Variants in NTMT1 observed in about 807,000 individuals in gnomAD.
The protein encoded by NTMT1 is N-terminal RCC1 methyltransferase.
In NTMT1, 8 loss-of-function variants were observed where a neutral mutation model predicts 17.5. The ratio of observed to expected loss-of-function variants is 0.46; its 90% CI spans 0.27 to 0.82. The LOEUF is 0.82. Among genes scored for constraint, NTMT1 ranks in the 40% least tolerant of loss-of-function variants. The pLI, the probability that NTMT1 is intolerant of heterozygous loss-of-function variation, is 0.15. For missense variants in NTMT1, 221 were observed against 303.5 expected (o/e 0.73, Z 2.02); for synonymous variants, 128 against 126.8 (o/e 1.01, Z -0.06).
At position 129,615,576 on chromosome 9, in the gene NTMT1, C is replaced by T. The variant is rs201925585; in HGVS notation, c.-55+6398C>T. The T allele has an allele frequency of 4.4e-5, 71 of 1,608,428 alleles. No homozygotes were observed. In the South Asian group the frequency reaches 6.9e-4, roughly 16 times the overall value. ...GAAAGGGCAACGCTGCCTGCAGGGC[C>T]TAGAGCCTTCCCCCGAGGGGTTGTG... On this transcript the variant is annotated intron_variant, in intron 1 of 3. Transcript: ENST00000372486.
At position 129,634,089 on chromosome 9, in the gene NTMT1, G is replaced by C. The variant is rs1297033975; in HGVS notation, c.198G>C (p.Leu66=). 17 of 1,614,040 alleles carry C rather than the reference G, an allele frequency of 1.1e-5. No homozygotes were observed. Among genetic ancestry groups the C allele is most frequent in the Non-Finnish European group, 1.4e-5 (17 of 1,180,042 alleles). The change falls in exon 3 of 4, where the codon CTG becomes CTC. Residue 66 remains leucine (L), a synonymous_variant. Transcript: ENST00000372483. ...GPNKTGTSCA[L]DCGAGIGRIT... ...ACAAGACAGGAACGTCCTGTGCCCT[G>C]GACTGTGGAGCTGGCATTGGGAGGA...
At chr9:129,612,227 G>C in intron 1 of NTMT1, 1 of 766,760 alleles carries the variant, frequency 1.3e-6, no homozygotes, top group Non-Finnish European at 2.2e-6. Flanking sequence ...AGAAAGGCTT[G>C]TGGTGTGACA....
chr9:129,615,112 A>G lies in NTMT1; in HGVS notation c.-55+5934A>G, dbSNP rs370167380. On this transcript the variant is annotated intron_variant, in intron 1 of 3. Transcript: ENST00000372486. Reference sequence around the variant, plus strand: ...TGGATGTCAAAGGAAGATGCTTCCAATGGCATCTGGACCTCCTCCAGCCCC... The same window carrying G: ...TGGATGTCAAAGGAAGATGCTTCCAGTGGCATCTGGACCTCCTCCAGCCCC... Among the ~76,000 whole-genome samples, 9 of 152,322 alleles carry G rather than the reference A, an allele frequency of 5.9e-5. No individual in the cohort carries two copies. The East Asian group carries it at 1.4e-3, about 23-fold the overall frequency.
At chr9:129,631,617 T>C (rs1831169389) in intron 1 of NTMT1, among the ~76,000 whole-genome samples, 1 of 152,200 alleles carries the variant, frequency 6.6e-6, no homozygotes, top group Non-Finnish European at 1.5e-5. Flanking sequence ...CTCAGGGTGG[T>C]TGACTCATTG....
intron 1 of NTMT1, among the ~76,000 whole-genome samples, chr9:129,616,383 T>C (rs1383494922): frequency 6.6e-6 from 1 of 152,024 alleles, no homozygotes; most frequent in East Asian, 1.9e-4. Flanking sequence ...GCCCGGCTAA[T>C]TTTTGTATTT....
rs12336178 is a variant in NTMT1, at chr9:129,633,941, C to T, written c.163-113C>T. On this transcript the variant is annotated intron_variant, in intron 2 of 3. Coordinates refer to ENST00000372483, the MANE Select transcript of NTMT1 (RefSeq NM_014064.4). Reference sequence around the variant, plus strand: ...CACAGACCTCCCCACCAGTGCTCAGCTTGTGCGGAGTCCTGGAATCCTGAC... The same window carrying T: ...CACAGACCTCCCCACCAGTGCTCAGTTTGTGCGGAGTCCTGGAATCCTGAC... The T allele has an allele frequency of 2.9e-3, 3,707 of 1,269,392 alleles. 91 individuals are homozygous for T. In the African/African-American group the frequency reaches 0.048, roughly 16 times the overall value. 78.6% of individuals were successfully genotyped at this position (1,269,392 alleles called of 1,614,324 possible). A position where few individuals can be genotyped will look rare whatever the true frequency, so the allele number is the denominator to read the frequency against.
intron 1 of NTMT1, among the ~76,000 whole-genome samples, chr9:129,609,858 G>A (rs1387290715): frequency 6.6e-6 from 1 of 152,010 alleles, no homozygotes; most frequent in Non-Finnish European, 1.5e-5. Context: ...CTGCGGCCCT[G>A]GGAGACCCCG....
chr9:129,624,734 A>G (rs774842531), upstream of NTMT1, among the ~76,000 whole-genome samples: 1 of 152,176 alleles, frequency 6.6e-6, no homozygotes, highest in Non-Finnish European at 1.5e-5. Flanking sequence ...GGTTCAGGCT[A>G]TTCTCCTGCC....
rs753987922 is a variant in NTMT1, at chr9:129,613,253, T to A, written c.-55+4075T>A. On this transcript the variant is annotated intron_variant, in intron 1 of 3. Coordinates refer to the NTMT1 transcript ENST00000372486. This position sits in a 1 kb window ranked among gnomAD's most constrained non-coding sequence, Gnocchi z 6.2. The stretch of plus-strand genomic sequence containing the variant: ...TAGCCCTGTGTCTTCTGGGTGGACC[T>A]GGGGGAGACAGGACCCCATGAGCTT... 1 of 1,601,174 alleles carries A rather than the reference T, an allele frequency of 6.2e-7. No homozygotes were observed. Among genetic ancestry groups the A allele is most frequent in the Non-Finnish European group, 8.5e-7 (1 of 1,172,214 alleles).
At chr9:129,618,121 T>A (rs1830483898) in intron 1 of NTMT1, among the ~76,000 whole-genome samples, 3 of 152,130 alleles carry the variant, frequency 2.0e-5, no homozygotes, top group African/African-American at 7.2e-5. Flanking sequence ...TGAGGAAGAA[T>A]GATATGTTTG....
chr9:129,610,344 T>C (rs1588105332), intron 1 of NTMT1, among the ~76,000 whole-genome samples: 1 of 144,354 alleles, frequency 6.9e-6, no homozygotes, highest in African/African-American at 2.6e-5. Flanking sequence ...AGCAAGGGCG[T>C]GGAGTCCGGG....
chr9:129,610,300 G>C (rs1407131746), intron 1 of NTMT1, among the ~76,000 whole-genome samples: 16 of 120,636 alleles, frequency 1.3e-4, no homozygotes, highest in African/African-American at 1.9e-4. Context: ...TGCAGGCCCC[G>C]CCCCCCCCCC....
chr9:129,631,274 C>G (rs377756878), intron 1 of NTMT1, among the ~76,000 whole-genome samples: 6 of 152,236 alleles, frequency 3.9e-5, no homozygotes, highest in African/African-American at 1.4e-4. Flanking sequence ...TTTTCTTTCC[C>G]TTTGTTCTTT....
At chr9:129,616,234 G>A (rs2118869386) in intron 1 of NTMT1, among the ~76,000 whole-genome samples, 1 of 152,282 alleles carries the variant, frequency 6.6e-6, no homozygotes, top group East Asian at 1.9e-4. Flanking sequence ...TTTTGTTTTT[G>A]AGACAGATTC....
intron 1 of NTMT1, among the ~76,000 whole-genome samples, chr9:129,628,871 T>G (rs1265343518): frequency 1.3e-5 from 2 of 152,340 alleles, no homozygotes; most frequent in African/African-American, 4.8e-5. Flanking sequence ...GAGAGAGAAC[T>G]GAATACAAAA....
At chr9:129,619,916 C>A (rs1262686752) in intron 1 of NTMT1, 6 of 1,524,748 alleles carry the variant, frequency 3.9e-6, no homozygotes, top group Admixed American at 3.5e-5. Context: ...GCAGACCAGC[C>A]CTCAAGGACG....
Position 129,626,178 on chromosome 9 carries a change from C to T in NTMT1, c.-172C>T, listed in dbSNP as rs1223325068. 1 of 152,240 alleles carries T rather than the reference C, an allele frequency of 6.6e-6. No homozygotes were observed. Among genetic ancestry groups the T allele is most frequent in the East Asian group, 1.9e-4 (1 of 5,178 alleles). The allele number at this position is 152,240 out of a possible 1,614,324, so 9.4% of individuals were successfully genotyped here. A position where few individuals can be genotyped will look rare whatever the true frequency, so the allele number is the denominator to read the frequency against. On this transcript the variant is annotated 5_prime_UTR_variant, in exon 1 of 4. Coordinates refer to ENST00000372483, the MANE Select transcript of NTMT1 (RefSeq NM_014064.4). ...GGACAAAGGCAGCGCGCGCCGCGAG[C>T]TGTCGCGTCTGGTCGTGGTCTGGCG...
chr9:129,628,313 G>C (rs1830991698), intron 1 of NTMT1, among the ~76,000 whole-genome samples: 1 of 152,240 alleles, frequency 6.6e-6, no homozygotes, highest in South Asian at 2.1e-4. Flanking sequence ...TGTTAGGGCA[G>C]ATGTCAAAGT....
At chr9:129,616,212 TTTTTGTTTTTG>T (rs1393026462) in intron 1 of NTMT1, among the ~76,000 whole-genome samples, 1 of 151,920 alleles carries the variant, frequency 6.6e-6, no homozygotes, top group Non-Finnish European at 1.5e-5. Context: ...AGGGAGCTGT[TTTTTGTTTTTG>T]TTTTGTTTTT....
Sources: gnomAD v4.1 joint callset for allele counts (sites outside exome capture counted in the v4.1 genomes callset) on GRCh38, gnomAD v4.1.1 for gene constraint, Gnocchi (gnomAD v3.1) non-coding constraint, MANE v1.5 for transcripts, NCBI Gene and HGNC (gene_info 2026-07-23, HGNC 2026-07-21) for gene names.